The following GRIP1 variants were observed in gnomAD, a reference collection of about 807,000 sequenced individuals.
GRIP1 encodes glutamate receptor interacting protein 1.
GRIP1 carries 45 observed loss-of-function variants against 129.9 expected under a neutral mutation model. That is an observed-to-expected ratio of 0.35 (90% CI 0.27 to 0.44). The LOEUF (loss-of-function observed/expected upper bound fraction) is 0.44, where lower values mean the gene tolerates loss of function less well. Ranked by LOEUF, GRIP1 falls within the 20% of genes least tolerant of loss-of-function variation. The probability of loss-of-function intolerance (pLI) is 1.00; values close to 1 mark genes in which losing one functional copy is unlikely to be tolerated. For missense variants in GRIP1, 1,196 were observed against 1,396.8 expected (o/e 0.86, Z 2.29); for synonymous variants, 530 against 520.8 (o/e 1.02, Z -0.24).
At chr12:66,392,198 G>A (rs1274465197) in intron 19 of GRIP1, 110 bp downstream of exon 19, 1 of 722,552 alleles carries the variant, frequency 1.4e-6, no homozygotes, top group Non-Finnish European at 2.5e-6. Context: ...CTGCACCAAA[G>A]CAGACACAAG....
At position 66,718,791 on chromosome 12, in the gene GRIP1, C is replaced by T. The variant is rs539312630; in HGVS notation, c.-420+85262G>A. 5.9e-5 allele frequency among the ~76,000 whole-genome samples: 9 copies of T among 152,008 alleles called. No individual in the cohort carries two copies. In the South Asian group the frequency reaches 1.9e-3, roughly 32 times the overall value. On this transcript the variant is annotated intron_variant, in intron 1 of 4. Coordinates refer to the GRIP1 transcript ENST00000538373. ...CGCTTGAAGATGGGAGGTGGAGGTT[C>T]CACTGAGTCAAGATTATGCCATTGC...
At position 67,064,749 on chromosome 12, in the gene GRIP1, A is replaced by G. The variant is rs562363683; in HGVS notation, c.58+4301T>C. On this transcript the variant is annotated intron_variant, in intron 1 of 1. Coordinates refer to the GRIP1 transcript ENST00000643019. ...TTAAGCTCCCTGTGCTTTCTCATAG[A>G]TATTTTTTTATTATTATTATACTTT... is the stretch of plus-strand genomic sequence containing the variant. Among the ~76,000 whole-genome samples the G allele has an allele frequency of 5.6e-4, 85 of 151,850 alleles. No homozygotes were observed. The South Asian group carries it at 0.017, about 30-fold the overall frequency.
chr12:66,354,223 C>T (rs2054370525), intron 23 of GRIP1, among the ~76,000 whole-genome samples: 1 of 152,166 alleles, frequency 6.6e-6, no homozygotes, highest in Non-Finnish European at 1.5e-5. Context: ...GGCCTGCCCC[C>T]CACCCCGGGT....
chr12:66,986,379 G>A (rs901003847), intron 1 of GRIP1, among the ~76,000 whole-genome samples: 3 of 151,606 alleles, frequency 2.0e-5, no homozygotes, highest in South Asian at 2.1e-4. Flanking sequence ...ACATGCACAC[G>A]TATGTTTATT....
chr12:66,356,338 C>T (rs772968070), intron 23 of GRIP1, among the ~76,000 whole-genome samples: 7 of 152,188 alleles, frequency 4.6e-5, no homozygotes, highest in South Asian at 2.1e-4. Context: ...AACAGAGAAT[C>T]GGCTCAAATC....
chr12:66,631,478 A>C (rs1448437205), intron 1 of GRIP1, among the ~76,000 whole-genome samples: 1 of 152,218 alleles, frequency 6.6e-6, no homozygotes, highest in Non-Finnish European at 1.5e-5. Context: ...CCTACTAACA[A>C]AACAATACTA....
intron 7 of GRIP1, among the ~76,000 whole-genome samples, chr12:66,502,048 T>C (rs1565805042): frequency 6.6e-6 from 1 of 152,226 alleles, no homozygotes; most frequent in Non-Finnish European, 1.5e-5. Context: ...CTATTTTTAT[T>C]TATAGCATTT....
At chr12:66,668,492 G>T (rs1241165897) in intron 1 of GRIP1, among the ~76,000 whole-genome samples, 3 of 152,192 alleles carry the variant, frequency 2.0e-5, no homozygotes, top group African/African-American at 7.2e-5. Flanking sequence ...GCTGTTTCTG[G>T]TCCCCTGCCA....
At chr12:66,361,393 C>T (rs1331617497) in intron 23 of GRIP1, among the ~76,000 whole-genome samples, 1 of 152,160 alleles carries the variant, frequency 6.6e-6, no homozygotes, top group Non-Finnish European at 1.5e-5. Flanking sequence ...CCAGGGGCTA[C>T]CCTGGCCCTT....
intron 1 of GRIP1, among the ~76,000 whole-genome samples, chr12:66,877,691 G>A (rs1360962914): frequency 6.6e-6 from 1 of 151,990 alleles, no homozygotes; most frequent in Non-Finnish European, 1.5e-5. Context: ...AGTCTGTGAG[G>A]CAGAAAATAG....
chr12:66,413,084 G>A (rs1055709291), intron 15 of GRIP1, among the ~76,000 whole-genome samples: 6 of 152,000 alleles, frequency 3.9e-5, no homozygotes, highest in African/African-American at 1.2e-4. Context: ...TTCAGGACTC[G>A]AACTCAGCTC....
intron 1 of GRIP1, among the ~76,000 whole-genome samples, chr12:66,759,889 C>G (rs1355625438): frequency 6.7e-6 from 1 of 149,930 alleles, no homozygotes; most frequent in Non-Finnish European, 1.5e-5. Flanking sequence ...GAGTCTTGCT[C>G]TGTCGCCCAG....
At chr12:66,692,145 T>C (rs1207205674) in intron 1 of GRIP1, among the ~76,000 whole-genome samples, 3 of 152,214 alleles carry the variant, frequency 2.0e-5, no homozygotes, top group African/African-American at 4.8e-5. Flanking sequence ...TAGACAGAAC[T>C]GGAAACAAGT....
chr12:66,360,454 C>A (rs577763800), intron 23 of GRIP1, among the ~76,000 whole-genome samples: 1 of 152,072 alleles, frequency 6.6e-6, no homozygotes, highest in Admixed American at 6.6e-5. Flanking sequence ...AGGATGCCCC[C>A]GGAGAACCTG....
At chr12:66,842,387 G>A (rs1322728796) in intron 1 of GRIP1, among the ~76,000 whole-genome samples, 1 of 152,032 alleles carries the variant, frequency 6.6e-6, no homozygotes, top group Admixed American at 6.6e-5. Context: ...ATTTTAGTAA[G>A]ATCTGTTTCT....
chr12:66,766,567 C>A (rs1005093356), intron 1 of GRIP1, among the ~76,000 whole-genome samples: 1 of 152,162 alleles, frequency 6.6e-6, no homozygotes, highest in Non-Finnish European at 1.5e-5. Context: ...TTGTATCAGG[C>A]CTACATGGTC....
At chr12:66,486,466 G>A (rs2059957919) in intron 7 of GRIP1, among the ~76,000 whole-genome samples, 1 of 152,126 alleles carries the variant, frequency 6.6e-6, no homozygotes, top group Non-Finnish European at 1.5e-5. Context: ...GTTGTGGGAG[G>A]AACCTGGTGG....
intron 1 of GRIP1, among the ~76,000 whole-genome samples, chr12:67,016,129 C>G (rs1484987035): frequency 6.6e-6 from 1 of 152,222 alleles, no homozygotes; most frequent in African/African-American, 2.4e-5. Context: ...GATGCACTGA[C>G]ACTGTTCTTT....
intron 1 of GRIP1, among the ~76,000 whole-genome samples, chr12:66,712,738 C>T (rs1045841277): frequency 2.6e-5 from 4 of 151,986 alleles, no homozygotes; most frequent in East Asian, 1.9e-4. Context: ...GCTTCTTTAT[C>T]TGTAAAATAT....
Sources: allele counts gnomAD v4.1 joint callset (sites outside exome capture counted in the v4.1 genomes callset), GRCh38; gene constraint gnomAD v4.1.1; transcripts MANE v1.5; gene names NCBI Gene and HGNC (gene_info 2026-07-23, HGNC 2026-07-21).